PRR16: variants seen among roughly 807,000 people sequenced by gnomAD.
The protein encoded by PRR16 is protein Largen.
PRR16 carries 6 observed loss-of-function variants against 18.2 expected under a neutral mutation model. The ratio of observed to expected loss-of-function variants is 0.33; its 90% CI spans 0.18 to 0.65. The LOEUF (loss-of-function observed/expected upper bound fraction) is 0.65, where lower values mean the gene tolerates loss of function less well. PRR16 is among the 30% of genes least tolerant of loss of function. The pLI is 0.74. For synonymous variants in PRR16, 151 were observed against 147.8 expected (o/e 1.02, Z -0.16); for missense variants, 412 against 376.6 (o/e 1.09, Z -0.78).
intron 1 of PRR16, among the ~76,000 whole-genome samples, chr5:120,670,055 G>A (rs1026830958): frequency 6.6e-6 from 1 of 152,110 alleles, no homozygotes; most frequent in African/African-American, 2.4e-5. Flanking sequence ...TTGATGCACT[G>A]TAGGTGATGT....
At chr5:120,679,811 A>G (rs937700372) in intron 1 of PRR16, among the ~76,000 whole-genome samples, 1 of 152,118 alleles carries the variant, frequency 6.6e-6, no homozygotes, top group South Asian at 2.1e-4. Flanking sequence ...AACAACAAAA[A>G]CAACAAAATC....
chr5:120,698,454 G>A, the PRR16 span, among the ~76,000 whole-genome samples: 1 of 150,732 alleles, frequency 6.6e-6, no homozygotes, highest in African/African-American at 2.5e-5. Flanking sequence ...CAAGAGTTTA[G>A]AGTGGCGGTT....
chr5:120,521,224 G>A (rs548431154), intron 1 of PRR16, among the ~76,000 whole-genome samples: 1 of 152,190 alleles, frequency 6.6e-6, no homozygotes, highest in African/African-American at 2.4e-5. Context: ...GGGACAAGAT[G>A]AGTCCTTTAT....
At chr5:120,628,628 TCATC>T (rs1211207102) in intron 1 of PRR16, among the ~76,000 whole-genome samples, 3 of 150,778 alleles carry the variant, frequency 2.0e-5, no homozygotes, top group Admixed American at 6.7e-5. Context: ...AATTTTCTAC[TCATC>T]TCTCTATCTT....
the PRR16 span, among the ~76,000 whole-genome samples, chr5:120,696,117 C>G: frequency 1.3e-4 from 20 of 152,108 alleles, no homozygotes; most frequent in African/African-American, 3.4e-4. Flanking sequence ...TGGCGAGCGC[C>G]TGTAGTCCCA....
chr5:120,689,169 T>G (rs568593192), downstream of PRR16, among the ~76,000 whole-genome samples: 1 of 152,314 alleles, frequency 6.6e-6, no homozygotes, highest in South Asian at 2.1e-4. Context: ...TTAGGACTTA[T>G]TTTGAATTTA....
chr5:120,678,073 C>T (rs986513887), intron 1 of PRR16, among the ~76,000 whole-genome samples: 12 of 151,934 alleles, frequency 7.9e-5, no homozygotes, highest in African/African-American at 2.9e-4. Context: ...CCACGCCTGG[C>T]TAATTTTTTG....
the PRR16 span, among the ~76,000 whole-genome samples, chr5:120,718,835 C>CAGTGTAGTGTGT: frequency 1.3e-5 from 2 of 152,046 alleles, no homozygotes; most frequent in Non-Finnish European, 2.9e-5. Context: ...AAATATTTTA[C>CAGTGTAGTGTGT]AGTGTAGTGT....
intron 1 of PRR16, among the ~76,000 whole-genome samples, chr5:120,486,048 A>G (rs1749789034): frequency 6.6e-6 from 1 of 152,090 alleles, no homozygotes. Flanking sequence ...CCAGTCTATC[A>G]TTGTTGGACA....
At chr5:120,594,976 A>G (rs1753754176) in intron 1 of PRR16, among the ~76,000 whole-genome samples, 1 of 151,820 alleles carries the variant, frequency 6.6e-6, no homozygotes, top group Non-Finnish European at 1.5e-5. Flanking sequence ...ATGAAGACTT[A>G]AATGTATAAC....
At chr5:120,710,704 A>C in the PRR16 span, 1 of 152,186 alleles carries the variant, frequency 6.6e-6, no homozygotes, top group African/African-American at 2.4e-5. Flanking sequence ...TCAGTCCCAC[A>C]GTGATTGTTA....
chr5:120,657,475 T>C (rs746659588), intron 1 of PRR16, among the ~76,000 whole-genome samples: 3 of 151,910 alleles, frequency 2.0e-5, no homozygotes, highest in Non-Finnish European at 2.9e-5. Context: ...CTATGAAAAT[T>C]GGTAAATGAC....
At chr5:120,720,928 T>G in the PRR16 span, among the ~76,000 whole-genome samples, 2 of 152,074 alleles carry the variant, frequency 1.3e-5, no homozygotes, top group African/African-American at 4.8e-5. Flanking sequence ...TTCTCTCGTA[T>G]CTCAGAGAAC....
chr5:120,778,686 T>C, the PRR16 span, among the ~76,000 whole-genome samples: 1 of 152,162 alleles, frequency 6.6e-6, no homozygotes, highest in Admixed American at 6.5e-5. Context: ...CTTCTAACCC[T>C]GCTTGTGTTT....
At chr5:120,494,558 A>G (rs184925887) in intron 1 of PRR16, among the ~76,000 whole-genome samples, 2 of 152,182 alleles carry the variant, frequency 1.3e-5, no homozygotes, top group African/African-American at 4.8e-5. Context: ...CTCACACTGT[A>G]TCTTGTCTTT....
intron 1 of PRR16, among the ~76,000 whole-genome samples, chr5:120,552,340 T>C (rs1752279673): frequency 6.6e-6 from 1 of 151,892 alleles, no homozygotes; most frequent in South Asian, 2.1e-4. Flanking sequence ...GCTGGGATTA[T>C]CATAAATATG....
chr5:120,578,360 C>G (rs1367444620), intron 1 of PRR16, among the ~76,000 whole-genome samples: 2 of 152,026 alleles, frequency 1.3e-5, no homozygotes, highest in African/African-American at 4.8e-5. Context: ...TGGTTGTTTG[C>G]TGCACCTATT....
chr5:120,471,583 G>T (rs964811953), intron 1 of PRR16, among the ~76,000 whole-genome samples: 1 of 152,004 alleles, frequency 6.6e-6, no homozygotes, highest in African/African-American at 2.4e-5. Context: ...TCGATTTCTT[G>T]TATTAACTTT....
At chr5:120,727,210 A>G in the PRR16 span, among the ~76,000 whole-genome samples, 993 of 152,100 alleles carry the variant, frequency 6.5e-3, 8 homozygotes, top group Non-Finnish European at 0.011. Flanking sequence ...TATGCCAAGT[A>G]TATCTGCTGC....
Sources: gnomAD v4.1 joint callset for allele counts (sites outside exome capture counted in the v4.1 genomes callset) on GRCh38, gnomAD v4.1.1 for gene constraint, MANE v1.5 for transcripts, NCBI Gene and HGNC (gene_info 2026-07-23, HGNC 2026-07-21) for gene names.